Variants in DHDDS observed in about 807,000 individuals in gnomAD.
DHDDS encodes dehydrodolichyl diphosphate synthase complex subunit DHDDS.
In DHDDS, 16 loss-of-function variants were observed where a neutral mutation model predicts 46.2. The ratio of observed to expected loss-of-function variants is 0.35; its 90% confidence interval spans 0.23 to 0.53. The LOEUF is 0.53. DHDDS is among the 20% of genes least tolerant of loss of function. DHDDS has a pLI of 0.94. For synonymous variants in DHDDS, 151 were observed against 163.1 expected (o/e 0.93, Z 0.56); for missense variants, 340 against 423.7 (o/e 0.80, Z 1.73).
intron 6 of DHDDS, among the ~76,000 whole-genome samples, chr1:26,456,596 T>C (rs941289601): frequency 1.3e-5 from 2 of 152,170 alleles, no homozygotes; most frequent in African/African-American, 4.8e-5. Context: ...TTTCACCTTG[T>C]TGGCCAGGCT....
Position 26,455,120 on chromosome 1 carries a change from C to T in DHDDS, c.543-2671C>T, listed in dbSNP as rs2075358733. Reference sequence around the variant, plus strand: ...TTCACGAATATTCTTAAAGTAAACACGAAGATTGGAACCTCTTGATTTGCA... The same window carrying T: ...TTCACGAATATTCTTAAAGTAAACATGAAGATTGGAACCTCTTGATTTGCA... On this transcript the variant is annotated intron_variant, in intron 6 of 8. Coordinates refer to ENST00000236342, the MANE Select transcript of DHDDS (RefSeq NM_205861.3). 8.9e-6 allele frequency: 7 copies of T among 787,692 alleles called. No homozygotes were observed. The South Asian group carries it at 9.4e-5, about 11-fold the overall frequency. 48.8% of individuals were successfully genotyped at this position (787,692 alleles called of 1,614,324 possible). A position where few individuals can be genotyped will look rare whatever the true frequency, so the allele number is the denominator to read the frequency against.
Position 26,469,868 on chromosome 1 carries a change from C to T in DHDDS, c.*737C>T, listed in dbSNP as rs573311409. On this transcript the variant is annotated 3_prime_UTR_variant, in exon 9 of 9. Coordinates refer to ENST00000236342, the MANE Select transcript of DHDDS (RefSeq NM_205861.3). ...GGCTCCACTCCCAAATGAGACTGGC[C>T]CCCTCCATGGTTCAGGGTAACAGAA... is the stretch of plus-strand genomic sequence containing the variant. The T allele has an allele frequency of 6.4e-6, 1 of 156,856 alleles. No individual in the cohort carries two copies. The highest frequency in any genetic ancestry group is 6.1e-5 in the Admixed American group (1 of 16,346). The allele number at this position is 156,856 out of a possible 1,614,324, so 9.7% of individuals were successfully genotyped here.
At chr1:26,460,271 C>CAGTAGGTGGT in intron 8 of DHDDS, 127 bp downstream of exon 8, 1 of 788,802 alleles carries the variant, frequency 1.3e-6, no homozygotes, top group Non-Finnish European at 2.2e-6. Context: ...TAGTAGCTAC[C>CAGTAGGTGGT]ACCTACTGAG....
At chr1:26,464,480 G>C (rs2075461813) in intron 8 of DHDDS, among the ~76,000 whole-genome samples, 1 of 152,254 alleles carries the variant, frequency 6.6e-6, no homozygotes, top group South Asian at 2.1e-4. Flanking sequence ...TTATCTTGAA[G>C]CCTTCTCCAG....
rs749971889 is a variant in DHDDS at position 26,470,314 on chromosome 1, T to TC, written c.*1184dup. On this transcript the variant is annotated 3_prime_UTR_variant, in exon 9 of 9. Transcript: ENST00000236342. ...TCTCTTTAAAGTCCATTTTCCTTCT[T>TC]CTTTTTTTTTTTTTTTTTGGAGACA... 4.6e-5 allele frequency: 6 copies of TC among 129,860 alleles called. No homozygotes were observed. Among genetic ancestry groups the TC allele is most frequent in the African/African-American group, 6.5e-5 (2 of 30,594 alleles). 8.0% of individuals were successfully genotyped at this position (129,860 alleles called of 1,614,324 possible).
chr1:26,441,728 C>G (rs534927007), intron 3 of DHDDS, among the ~76,000 whole-genome samples: 36 of 151,946 alleles, frequency 2.4e-4, no homozygotes, highest in African/African-American at 8.4e-4. Context: ...AACCCCATCT[C>G]TACTAAAAAT....
chr1:26,468,852 T>G, intron 8 of DHDDS, 43 bp from the exon 9 acceptor site: 1 of 1,254,514 alleles, frequency 8.0e-7, no homozygotes, highest in Non-Finnish European at 1.0e-6. Context: ...CACCCACTCC[T>G]AAAAATGATC....
At chr1:26,434,820 ATT>A (rs67223673) in intron 2 of DHDDS, among the ~76,000 whole-genome samples, 87 of 129,088 alleles carry the variant, frequency 6.7e-4, no homozygotes, top group African/African-American at 9.3e-4. Context: ...TGCCTGGCTA[ATT>A]TTTTTTTTTT....
In DHDDS at chr1:26,442,879, A is replaced by T; in HGVS notation, c.323+6A>T. ...AGCCGCTTGATGGAAGAAAAGTAAG[A>T]TGCTATCAGAGGGGAGAGCATGTTC... is the stretch of plus-strand genomic sequence containing the variant. On this transcript the variant is annotated splice_donor_region_variant and intron_variant, in intron 4 of 8. Coordinates refer to ENST00000236342, the MANE Select transcript of DHDDS (RefSeq NM_205861.3). 1 of 1,614,022 alleles carries T rather than the reference A, an allele frequency of 6.2e-7. No individual in the cohort carries two copies. Among genetic ancestry groups the T allele is most frequent in the Non-Finnish European group, 8.5e-7 (1 of 1,179,988 alleles).
Position 26,469,704 on chromosome 1 carries a change from C to T in DHDDS, c.*573C>T, listed in dbSNP as rs539236177. 9.4e-5 allele frequency: 19 copies of T among 201,926 alleles called. No homozygotes were observed. In the South Asian group the frequency reaches 1.6e-3, roughly 17 times the overall value. The allele number at this position is 201,926 out of a possible 1,614,324, so 12.5% of individuals were successfully genotyped here. A position where few individuals can be genotyped will look rare whatever the true frequency, so the allele number is the denominator to read the frequency against. On this transcript the variant is annotated 3_prime_UTR_variant, in exon 9 of 9. Transcript: ENST00000236342. Reference sequence around the variant, plus strand: ...CTATTGAATCTCTACCCTCTCCCACCACACAGTACTGATTGCTCACTGAAA... The same window carrying T: ...CTATTGAATCTCTACCCTCTCCCACTACACAGTACTGATTGCTCACTGAAA...
intron 8 of DHDDS, 120 bp from the exon 9 acceptor site, chr1:26,468,775 A>G (rs553690851): frequency 1.4e-6 from 2 of 1,385,210 alleles, no homozygotes; most frequent in East Asian, 2.5e-5. Context: ...TCTGGTACCT[A>G]CTTTCCACTG....
intron 6 of DHDDS, among the ~76,000 whole-genome samples, chr1:26,451,632 T>C (rs953753335): frequency 3.0e-5 from 4 of 131,150 alleles, no homozygotes; most frequent in African/African-American, 9.7e-5. Flanking sequence ...TTTTTTTTTC[T>C]TTTTTTTTTT....
At chr1:26,466,707 G>A (rs947973119) in intron 8 of DHDDS, among the ~76,000 whole-genome samples, 3 of 152,208 alleles carry the variant, frequency 2.0e-5, no homozygotes, top group Non-Finnish European at 4.4e-5. Context: ...TCCTCCCTCT[G>A]TTGCTGAGCG....
chr1:26,442,361 C>G (rs1239137253), intron 3 of DHDDS, among the ~76,000 whole-genome samples: 1 of 152,058 alleles, frequency 6.6e-6, no homozygotes, highest in Non-Finnish European at 1.5e-5. Context: ...GGATTGTGAT[C>G]CCATATTACA....
chr1:26,443,837 A>G (rs2075242072), intron 4 of DHDDS, among the ~76,000 whole-genome samples: 1 of 152,188 alleles, frequency 6.6e-6, no homozygotes, highest in South Asian at 2.1e-4. Context: ...TATCCCACTA[A>G]TCTTACCTTT....
chr1:26,467,114 G>C, intron 8 of DHDDS: 1 of 297,130 alleles, frequency 3.4e-6, no homozygotes, highest in South Asian at 3.0e-5. Context: ...GAAGGTCACT[G>C]CTCCGTGATG....
chr1:26,445,926 G>A (rs1009956076), intron 4 of DHDDS, among the ~76,000 whole-genome samples: 8 of 152,062 alleles, frequency 5.3e-5, no homozygotes, highest in East Asian at 1.9e-4. Context: ...GGGAGGCTGC[G>A]GTGGGAGGAT....
chr1:26,446,345 T>C lies in DHDDS; in HGVS notation c.353T>C (p.Ile118Thr), dbSNP rs994585545. The C allele has an allele frequency of 6.2e-7, 1 of 1,613,998 alleles. No homozygotes were observed. The highest frequency in any genetic ancestry group is 1.3e-5 in the African/African-American group (1 of 75,018). Residue 118 changes from isoleucine (I) to threonine (T), a missense_variant, in exon 5 of 9, where the codon ATC (isoleucine) becomes ACC (threonine). This residue lies in a region of DHDDS where 268 missense variants were observed against 300.3 expected (regional missense o/e 0.89). Coordinates refer to ENST00000236342, the MANE Select transcript of DHDDS (RefSeq NM_205861.3). ...KEKLQKHGVC[I>T]RVLGDLHLLP... ...AAACTGCAGAAGCATGGGGTGTGTA[T>C]CCGGGTCCTGGGCGATCTGCACTTG...
intron 6 of DHDDS, chr1:26,455,209 G>A (rs930979122): frequency 9.1e-5 from 65 of 715,266 alleles, no homozygotes; most frequent in Admixed American, 1.3e-4. Flanking sequence ...ACCTCAGGCC[G>A]CTTAGGGAAA....
Sources: allele counts gnomAD v4.1 joint callset (sites outside exome capture counted in the v4.1 genomes callset), GRCh38; gene constraint gnomAD v4.1.1; regional missense constraint gnomAD v4.1.1; transcripts MANE v1.5; gene names NCBI Gene and HGNC (gene_info 2026-07-23, HGNC 2026-07-21).